DNAH5: variants seen among roughly 807,000 people sequenced by gnomAD.
DNAH5 encodes dynein axonemal heavy chain 5.
In DNAH5, 372 loss-of-function variants were observed where a neutral mutation model predicts 518.2. The observed-to-expected ratio is 0.72, with a 90% CI of 0.66 to 0.78. DNAH5 has a LOEUF of 0.78. DNAH5 is among the 30% of genes least tolerant of loss of function. DNAH5 has a pLI of 0.00. For missense variants in DNAH5, 5,523 were observed against 5,687.0 expected, an observed-to-expected ratio of 0.97 and a Z score of 0.93; for synonymous variants, 2,039 against 2,025.9, an observed-to-expected ratio of 1.01 and a Z score of -0.17.
intron 1 of DNAH5, among the ~76,000 whole-genome samples, chr5:13,994,551 C>T (rs904220446): frequency 2.0e-5 from 3 of 152,150 alleles, no homozygotes; most frequent in African/African-American, 7.2e-5. Context: ...TACCTAAACC[C>T]TGACACAACT....
intron 69 of DNAH5, among the ~76,000 whole-genome samples, chr5:13,728,990 G>A (rs1208077767): frequency 6.6e-6 from 1 of 152,092 alleles, no homozygotes; most frequent in Non-Finnish European, 1.5e-5. Context: ...GTCAAATAAT[G>A]GGAAGGGCAG....
chr5:13,990,639 G>A (rs563263835), intron 1 of DNAH5, among the ~76,000 whole-genome samples: 30 of 152,246 alleles, frequency 2.0e-4, no homozygotes, highest in Non-Finnish European at 3.5e-4. Context: ...AGGCCAAGGC[G>A]GGCGGATTGC....
intron 22 of DNAH5, among the ~76,000 whole-genome samples, chr5:13,873,556 G>C (rs951118167): frequency 2.0e-5 from 3 of 151,954 alleles, no homozygotes; most frequent in African/African-American, 7.3e-5. Flanking sequence ...CTTAACTCTT[G>C]TTGGGCCACA....
chr5:13,899,899 AT>A, intron 15 of DNAH5: 2 of 355,030 alleles, frequency 5.6e-6, no homozygotes, highest in Non-Finnish European at 5.2e-6. Flanking sequence ...CTTAACATCC[AT>A]TTTCCACCCA....
chr5:13,855,582 A>G (rs1433243772), intron 30 of DNAH5, among the ~76,000 whole-genome samples: 3 of 152,156 alleles, frequency 2.0e-5, no homozygotes, highest in Non-Finnish European at 4.4e-5. Flanking sequence ...TATTAGTCAG[A>G]TCAATGTGAC....
chr5:13,957,059 G>A (rs947506267), intron 1 of DNAH5, among the ~76,000 whole-genome samples: 4 of 152,300 alleles, frequency 2.6e-5, no homozygotes, highest in African/African-American at 9.6e-5. Flanking sequence ...GAAATCCTCA[G>A]ATTCTGGTTA....
At chr5:13,946,975 G>A (rs969597894), upstream of DNAH5, among the ~76,000 whole-genome samples, 1 of 152,074 alleles carries the variant, frequency 6.6e-6, no homozygotes, top group Non-Finnish European at 1.5e-5. Flanking sequence ...TGCAACACTC[G>A]GAATGAAAAA....
chr5:13,865,685 G>C lies in DNAH5; in HGVS notation c.4338C>G (p.Leu1446=), dbSNP rs377432140. ...EVNIEKINNE[L]LEFQNRCRKL... is the part of the protein sequence containing the mutation. ...TTTCTTACCTGTTCTGGAATTCTAA[G>C]AGTTCATTGTTAATTTTTTCAATAT... Residue 1446 remains leucine, a synonymous_variant, in exon 27 of 79, where the codon CTC becomes CTG. Transcript: ENST00000265104. The C allele has an allele frequency of 1.2e-4, 183 of 1,576,186 alleles. No individual in the cohort carries two copies. The highest frequency in any genetic ancestry group is 1.5e-4 in the Non-Finnish European group (170 of 1,145,744).
At chr5:13,784,296 A>G (rs1755637619) in intron 52 of DNAH5, among the ~76,000 whole-genome samples, 1 of 152,212 alleles carries the variant, frequency 6.6e-6, no homozygotes, top group Non-Finnish European at 1.5e-5. Context: ...ATTAAAAATG[A>G]CAGAATGTTT....
chr5:13,877,148 T>C (rs1370695894), intron 21 of DNAH5, among the ~76,000 whole-genome samples: 1 of 152,048 alleles, frequency 6.6e-6, no homozygotes, highest in Non-Finnish European at 1.5e-5. Context: ...TTACAACCAT[T>C]ATAACTGGAG....
intron 76 of DNAH5, among the ~76,000 whole-genome samples, chr5:13,703,123 C>T (rs1225128643): frequency 1.3e-5 from 2 of 152,138 alleles, no homozygotes; most frequent in Non-Finnish European, 2.9e-5. Context: ...CTCTCCATCC[C>T]TTCTCTTAAC....
chr5:14,003,417 T>G (rs1167007525), intron 1 of DNAH5, among the ~76,000 whole-genome samples: 3 of 152,208 alleles, frequency 2.0e-5, no homozygotes, highest in Non-Finnish European at 2.9e-5. Context: ...TTTGCCTTCT[T>G]TGGTAGGTAA....
At chr5:14,005,523 C>G (rs1023430591) in intron 1 of DNAH5, among the ~76,000 whole-genome samples, 1 of 152,232 alleles carries the variant, frequency 6.6e-6, no homozygotes, top group Non-Finnish European at 1.5e-5. Context: ...CACACCACTT[C>G]AGCTCCTTGA....
At chr5:13,784,481 T>G (rs1755664261) in intron 52 of DNAH5, among the ~76,000 whole-genome samples, 1 of 152,198 alleles carries the variant, frequency 6.6e-6, no homozygotes, top group African/African-American at 2.4e-5. Context: ...ACCCAACTCC[T>G]GAGCAGCCTC....
chr5:13,877,725 C>T (rs1304470813), intron 21 of DNAH5, among the ~76,000 whole-genome samples: 1 of 152,202 alleles, frequency 6.6e-6, no homozygotes, highest in African/African-American at 2.4e-5. Flanking sequence ...CAGTTTCTCT[C>T]TGTGGAAATG....
At chr5:13,966,205 G>GTGTGTGTA (rs760895347) in intron 1 of DNAH5, among the ~76,000 whole-genome samples, 16 of 137,536 alleles carry the variant, frequency 1.2e-4, no homozygotes, top group African/African-American at 3.9e-4. Context: ...TCCATGGTGT[G>GTGTGTGTA]TGTGTGTATG....
chr5:13,851,540 G>T (rs989530926), intron 30 of DNAH5, among the ~76,000 whole-genome samples: 1 of 151,818 alleles, frequency 6.6e-6, no homozygotes, highest in African/African-American at 2.4e-5. Flanking sequence ...GAACTCCTGG[G>T]CTCAAGCAGT....
intron 30 of DNAH5, among the ~76,000 whole-genome samples, chr5:13,857,984 T>C (rs1409014457): frequency 6.6e-6 from 1 of 152,074 alleles, no homozygotes; most frequent in African/African-American, 2.4e-5. Flanking sequence ...CCAAAAGCAA[T>C]TGCAACAAAA....
rs1182948401 is a variant in DNAH5, at chr5:13,792,046, C to T, written c.8396G>A (p.Arg2799Gln). ...AGTGTTCAGCATTCCCTGCCAGACC[C>T]GAGAAAGATCTCGTAGGTTAAACAC... is the stretch of plus-strand genomic sequence containing the variant. ...HYVFNLRDLS[R>Q]VWQGMLNTTS... Residue 2799 changes from arginine (R) to glutamine (Q), a missense_variant, in exon 50 of 79, where the codon CGG becomes CAG. Arg to Gln is a conservative substitution (Grantham distance 43, BLOSUM62 1). This residue lies in a region of DNAH5 where 5,121 missense variants were observed against 5,223.3 expected (regional missense o/e 0.98). Transcript: ENST00000265104. 6 of 1,613,840 alleles carry T rather than the reference C, an allele frequency of 3.7e-6. No individual in the cohort carries two copies. Among genetic ancestry groups the T allele is most frequent in the East Asian group, 4.5e-5 (2 of 44,900 alleles).
Sources: allele counts gnomAD v4.1 joint callset (sites outside exome capture counted in the v4.1 genomes callset), GRCh38; gene constraint gnomAD v4.1.1; regional missense constraint gnomAD v4.1.1; transcripts MANE v1.5; gene names NCBI Gene and HGNC (gene_info 2026-07-23, HGNC 2026-07-21).